The following CAST variants were observed in gnomAD, a reference collection of about 807,000 sequenced individuals.
CAST encodes the protein MIR583 host.
CAST carries 76 observed loss-of-function variants against 119.6 expected under a neutral mutation model. The observed-to-expected ratio is 0.64, with a 90% CI of 0.53 to 0.77. The LOEUF is 0.77. Ranked by LOEUF, CAST falls within the 30% of genes least tolerant of loss-of-function variation. CAST has a pLI of 0.00. For missense variants in CAST, 953 were observed against 946.5 expected (o/e 1.01, Z -0.09); for synonymous variants, 319 against 331.6 (o/e 0.96, Z 0.41).
chr5:96,230,955 C>A, the CAST span, among the ~76,000 whole-genome samples: 2 of 151,944 alleles, frequency 1.3e-5, no homozygotes, highest in Non-Finnish European at 2.9e-5. Context: ...ACTTCACATT[C>A]GCTAGAATAG....
At chr5:96,167,810 C>T in the CAST span, among the ~76,000 whole-genome samples, 2 of 152,178 alleles carry the variant, frequency 1.3e-5, no homozygotes, top group South Asian at 4.1e-4. Flanking sequence ...TTTTAGTTTC[C>T]TAACTCGAGG....
chr5:96,710,409 G>T (rs927629218), intron 3 of CAST, among the ~76,000 whole-genome samples: 3 of 152,072 alleles, frequency 2.0e-5, no homozygotes, highest in African/African-American at 7.2e-5. Context: ...TTAGAATTAC[G>T]TGAGAGGCTT....
At chr5:95,961,646 T>C in the CAST span, 15 of 1,610,426 alleles carry the variant, frequency 9.3e-6, no homozygotes, top group Middle Eastern at 1.7e-4. Flanking sequence ...ACGGTGATGT[T>C]GTCCTGCCCC....
chr5:96,305,316 T>A, the CAST span, among the ~76,000 whole-genome samples: 7 of 152,360 alleles, frequency 4.6e-5, no homozygotes, highest in African/African-American at 1.2e-4. Context: ...ATCCTGAGAC[T>A]TTGCTGAAGT....
the CAST span, among the ~76,000 whole-genome samples, chr5:96,432,652 C>A: frequency 1.1e-4 from 16 of 152,194 alleles, no homozygotes; most frequent in African/African-American, 3.9e-4. Flanking sequence ...CAGCGGCTTC[C>A]TTCTGCTTGG....
the CAST span, among the ~76,000 whole-genome samples, chr5:96,204,522 C>A: frequency 6.6e-6 from 1 of 152,020 alleles, no homozygotes; most frequent in Non-Finnish European, 1.5e-5. Flanking sequence ...TACAAGTTCC[C>A]ACAGAACTTC....
the CAST span, among the ~76,000 whole-genome samples, chr5:95,991,497 GTTT>G: frequency 2.2e-4 from 14 of 64,968 alleles, no homozygotes; most frequent in South Asian, 3.6e-3. Context: ...AACAAGTTTT[GTTT>G]TTTTTTTTTT....
chr5:96,722,896 A>C (rs972305524), intron 4 of CAST, among the ~76,000 whole-genome samples, 198 bp downstream of exon 4: 99 of 152,304 alleles, frequency 6.5e-4, no homozygotes, highest in African/African-American at 2.3e-3. Flanking sequence ...CATCATCTAC[A>C]TGGTTTTAGG....
At chr5:96,005,682 A>G in the CAST span, among the ~76,000 whole-genome samples, 2,350 of 152,286 alleles carry the variant, frequency 0.015, 52 homozygotes, top group African/African-American at 0.054. Flanking sequence ...AATTCAAACT[A>G]AAATAAACTA....
intron 3 of CAST, among the ~76,000 whole-genome samples, chr5:96,708,506 T>C (rs1755466977): frequency 6.6e-6 from 1 of 152,212 alleles, no homozygotes; most frequent in African/African-American, 2.4e-5. Flanking sequence ...TACTTTTTTC[T>C]TTGAGACAGG....
At chr5:96,496,723 C>G in the CAST span, among the ~76,000 whole-genome samples, 1 of 152,146 alleles carries the variant, frequency 6.6e-6, no homozygotes, top group East Asian at 1.9e-4. Flanking sequence ...GATGAAGAAA[C>G]CGGTTAGGTT....
intron 1 of CAST, among the ~76,000 whole-genome samples, chr5:96,580,497 T>C (rs1276958954): frequency 6.6e-6 from 1 of 152,248 alleles, no homozygotes; most frequent in African/African-American, 2.4e-5. Context: ...CTTCATGCTC[T>C]ACTACAGTGT....
At chr5:96,702,646 T>G in intron 3 of CAST, 2 of 421,116 alleles carry the variant, frequency 4.7e-6, no homozygotes, top group Non-Finnish European at 6.4e-6. Flanking sequence ...ACAGGCTGCG[T>G]TATTGAGTGA....
chr5:96,268,771 A>G, the CAST span, among the ~76,000 whole-genome samples: 1 of 152,314 alleles, frequency 6.6e-6, no homozygotes, highest in Non-Finnish European at 1.5e-5. Context: ...AAAAAAGAGC[A>G]GGAGCAGCTA....
the CAST span, among the ~76,000 whole-genome samples, chr5:96,455,267 A>G: frequency 7.2e-5 from 11 of 152,332 alleles, no homozygotes; most frequent in Admixed American, 5.9e-4. Context: ...CTGTGAAGAA[A>G]GAAAAGTCAA....
chr5:96,481,673 A>G, the CAST span, among the ~76,000 whole-genome samples: 8 of 152,202 alleles, frequency 5.3e-5, no homozygotes, highest in South Asian at 2.1e-4. Flanking sequence ...AAAGGGACTC[A>G]AACAACTTTC....
chr5:96,464,238 A>G, the CAST span, among the ~76,000 whole-genome samples: 1 of 152,074 alleles, frequency 6.6e-6, no homozygotes, highest in Non-Finnish European at 1.5e-5. Flanking sequence ...TAGCTTTTTA[A>G]AAAACTTATC....
the CAST span, chr5:96,412,959 T>C: frequency 1.4e-5 from 14 of 1,020,456 alleles, no homozygotes; most frequent in Non-Finnish European, 1.6e-5. Context: ...CCTCTGGTGA[T>C]GCACCTCCTC....
intron 1 of CAST, among the ~76,000 whole-genome samples, chr5:96,587,186 G>A (rs1056137787): frequency 6.6e-6 from 1 of 152,184 alleles, no homozygotes; most frequent in Non-Finnish European, 1.5e-5. Flanking sequence ...AGAAAGGTTT[G>A]TACAGCACAT....
Sources: allele counts gnomAD v4.1 joint callset (sites outside exome capture counted in the v4.1 genomes callset), GRCh38; gene constraint gnomAD v4.1.1; transcripts MANE v1.5; gene names NCBI Gene and HGNC (gene_info 2026-07-23, HGNC 2026-07-21).